FAM135B: variants seen among roughly 807,000 people sequenced by gnomAD.
FAM135B encodes the protein family with sequence similarity 135 member B.
FAM135B carries 43 observed loss-of-function variants against 127.7 expected under a neutral mutation model. The ratio of observed to expected loss-of-function variants is 0.34; its 90% CI spans 0.26 to 0.43. The LOEUF (loss-of-function observed/expected upper bound fraction) is 0.43. Ranked by LOEUF, FAM135B falls within the 20% of genes least tolerant of loss-of-function variation. FAM135B has a pLI of 1.00. For missense variants in FAM135B, 1,558 were observed against 1,725.6 expected (o/e 0.90, Z 1.72); for synonymous variants, 670 against 665.1 (o/e 1.01, Z -0.11).
At position 138,242,797 on chromosome 8, in the gene FAM135B, AG is replaced by A; in HGVS notation, c.669+144del. On this transcript the variant is annotated intron_variant, in intron 7 of 19. Coordinates refer to ENST00000395297, the MANE Select transcript of FAM135B (RefSeq NM_015912.4). This position sits in a 1 kb window ranked among gnomAD's most constrained non-coding sequence, Gnocchi z 9.6. ...GATAGAGCTTGTAGTGATAAAAACA[AG>A]GGGTGGGAAGATGGTGAAAGGAAGG... 9.6e-7 allele frequency: 1 copy of A among 1,043,084 alleles called. No homozygotes were observed. Among genetic ancestry groups the A allele is most frequent in the Non-Finnish European group, 1.3e-6 (1 of 743,830 alleles). The allele number at this position is 1,043,084 out of a possible 1,614,324, so 64.6% of individuals were successfully genotyped here.
At chr8:138,239,714 G>A (rs1315106942) in intron 7 of FAM135B, among the ~76,000 whole-genome samples, 1 of 152,100 alleles carries the variant, frequency 6.6e-6, no homozygotes, top group African/African-American at 2.4e-5. Flanking sequence ...GTTCACTGCG[G>A]CACTATTCAC....
intron 3 of FAM135B, among the ~76,000 whole-genome samples, chr8:138,266,590 T>C (rs1822940292): frequency 7.0e-6 from 1 of 142,562 alleles, no homozygotes; most frequent in Non-Finnish European, 1.6e-5. Context: ...TATATGTGTG[T>C]GTATATATAT....
At chr8:138,488,193 G>C (rs938234955) in intron 1 of FAM135B, among the ~76,000 whole-genome samples, 1 of 152,022 alleles carries the variant, frequency 6.6e-6, no homozygotes, top group African/African-American at 2.4e-5. Context: ...CTTTTTAAAC[G>C]TAAAAGTATT....
At chr8:138,328,607 C>T (rs576563835) in intron 2 of FAM135B, among the ~76,000 whole-genome samples, 1 of 152,224 alleles carries the variant, frequency 6.6e-6, no homozygotes, top group South Asian at 2.1e-4. Flanking sequence ...ACATTTCCTT[C>T]CCAACCATTT....
chr8:138,216,394 A>G (rs1818548141), intron 7 of FAM135B, among the ~76,000 whole-genome samples: 2 of 152,148 alleles, frequency 1.3e-5, no homozygotes, highest in Admixed American at 1.3e-4. Flanking sequence ...GCTGAAGGTT[A>G]TAGCATGAAG....
chr8:138,426,036 C>T (rs10481401), intron 1 of FAM135B, among the ~76,000 whole-genome samples: 2 of 70,250 alleles, frequency 2.8e-5, no homozygotes, highest in East Asian at 7.6e-4. Context: ...TATACACACA[C>T]ACACACACAC....
chr8:138,346,083 A>T (rs1829390818), intron 2 of FAM135B, among the ~76,000 whole-genome samples: 2 of 152,246 alleles, frequency 1.3e-5, no homozygotes, highest in African/African-American at 2.4e-5. Flanking sequence ...AGAGAAATGC[A>T]AATCAAAACC....
At chr8:138,293,631 G>A (rs559451917) in intron 3 of FAM135B, among the ~76,000 whole-genome samples, 7 of 152,102 alleles carry the variant, frequency 4.6e-5, no homozygotes, top group Non-Finnish European at 8.8e-5. Flanking sequence ...AATGGCCAAC[G>A]AACATATGCA....
chr8:138,207,214 TAC>T (rs1369845250), intron 7 of FAM135B, among the ~76,000 whole-genome samples: 4 of 106,800 alleles, frequency 3.7e-5, no homozygotes, highest in Non-Finnish European at 7.3e-5. Flanking sequence ...ACTGAAACAA[TAC>T]TTTTTTTTTT....
At chr8:138,329,937 TAAG>T (rs1828050805) in intron 2 of FAM135B, among the ~76,000 whole-genome samples, 1 of 152,134 alleles carries the variant, frequency 6.6e-6, no homozygotes, top group Non-Finnish European at 1.5e-5. Context: ...TCCCAATGTT[TAAG>T]AAAAGAATGC....
chr8:138,460,099 C>T (rs932375928), intron 1 of FAM135B, among the ~76,000 whole-genome samples: 4 of 152,150 alleles, frequency 2.6e-5, no homozygotes, highest in African/African-American at 7.2e-5. Flanking sequence ...ATAGTTTAAG[C>T]CCTTTCTTTG....
chr8:138,202,165 A>AC lies in FAM135B; in HGVS notation c.670-4497_670-4496insG, dbSNP rs1336313928. On this transcript the variant is annotated intron_variant, in intron 7 of 19. Transcript: ENST00000395297. ...AGGCACCTCTCCCCTTCTGAGACTG[A>AC]AGTAAGTCCACTGCAAATGGGAAAA... Among the ~76,000 whole-genome samples, 1,103 of 148,790 alleles carry AC rather than the reference A, an allele frequency of 7.4e-3. 7 individuals carry two copies. The highest frequency in any genetic ancestry group is 0.013 in the Non-Finnish European group (854 of 67,442).
chr8:138,464,154 C>T (rs777090612), intron 1 of FAM135B, among the ~76,000 whole-genome samples: 2 of 152,150 alleles, frequency 1.3e-5, no homozygotes, highest in Non-Finnish European at 2.9e-5. Flanking sequence ...ACGGGCATAC[C>T]ACCCTAGACC....
At chr8:138,180,994 A>G (rs2131001484) in intron 9 of FAM135B, among the ~76,000 whole-genome samples, 1 of 151,716 alleles carries the variant, frequency 6.6e-6, no homozygotes, top group South Asian at 2.1e-4. Flanking sequence ...TAATCCCAGA[A>G]CTTTGGGAGG....
intron 1 of FAM135B, among the ~76,000 whole-genome samples, chr8:138,443,143 C>T (rs565717820): frequency 6.6e-6 from 1 of 152,238 alleles, no homozygotes; most frequent in African/African-American, 2.4e-5. Context: ...GCCCATGATC[C>T]ACCCTGATGC....
intron 3 of FAM135B, among the ~76,000 whole-genome samples, chr8:138,310,578 C>A (rs757679320): frequency 2.6e-5 from 4 of 152,204 alleles, no homozygotes; most frequent in Non-Finnish European, 5.9e-5. Flanking sequence ...TGACTTTAAC[C>A]AACCCTCCAC....
chr8:138,339,358 A>AATATATATATATATATATATATATATAT (rs143774221), intron 2 of FAM135B, among the ~76,000 whole-genome samples: 62 of 147,724 alleles, frequency 4.2e-4, no homozygotes, highest in African/African-American at 1.5e-3. Flanking sequence ...AAACTAACTA[A>AATATATATATATATATATATATATATAT]ATATATATAT....
chr8:138,288,664 G>A (rs2130784127), intron 3 of FAM135B, among the ~76,000 whole-genome samples: 1 of 152,280 alleles, frequency 6.6e-6, no homozygotes, highest in Non-Finnish European at 1.5e-5. Flanking sequence ...TGCTGGGCTG[G>A]AGAAGCCTTG....
chr8:138,183,621 C>T (rs1815283152), intron 9 of FAM135B, among the ~76,000 whole-genome samples: 1 of 152,218 alleles, frequency 6.6e-6, no homozygotes, highest in African/African-American at 2.4e-5. Context: ...ATACCCCCTT[C>T]ATTGAGAATT....
Sources: allele counts gnomAD v4.1 joint callset (sites outside exome capture counted in the v4.1 genomes callset), GRCh38; gene constraint gnomAD v4.1.1; non-coding constraint Gnocchi (gnomAD v3.1); transcripts MANE v1.5; gene names NCBI Gene and HGNC (gene_info 2026-07-23, HGNC 2026-07-21).